Variants in ITGA9 observed in about 807,000 individuals in gnomAD.
ITGA9 encodes integrin subunit alpha 9.
Under a neutral mutation model 127.8 loss-of-function variants are expected in ITGA9, and 56 were observed. The observed-to-expected ratio is 0.44, with a 90% CI of 0.35 to 0.55. ITGA9 has a LOEUF of 0.55. ITGA9 is among the 20% of genes least tolerant of loss of function. The probability of loss-of-function intolerance (pLI) is 0.00; values close to 1 mark genes in which losing one functional copy is unlikely to be tolerated. For missense variants in ITGA9, 1,196 were observed against 1,347.1 expected (o/e 0.89, Z 1.76); for synonymous variants, 508 against 514.5 (o/e 0.99, Z 0.17).
At chr3:37,584,815 G>A (rs1035056975) in intron 15 of ITGA9, among the ~76,000 whole-genome samples, 57 of 152,014 alleles carry the variant, frequency 3.7e-4, no homozygotes, top group African/African-American at 1.4e-3. Flanking sequence ...GTAATTATTT[G>A]AAGACCATAA....
intron 18 of ITGA9, among the ~76,000 whole-genome samples, chr3:37,701,822 CCTCA>C (rs1700949532): frequency 6.6e-6 from 1 of 152,256 alleles, no homozygotes; most frequent in South Asian, 2.1e-4. Flanking sequence ...TCTTTCTGGT[CCTCA>C]CTAAGACAAA....
chr3:37,453,569 C>A (rs1432051032), intron 1 of ITGA9, among the ~76,000 whole-genome samples: 1 of 152,152 alleles, frequency 6.6e-6, no homozygotes, highest in Non-Finnish European at 1.5e-5. Context: ...GAAGTTCCCC[C>A]GTTCAAGGTC....
At chr3:37,478,593 C>T (rs569573413) in intron 3 of ITGA9, among the ~76,000 whole-genome samples, 171 of 152,312 alleles carry the variant, frequency 1.1e-3, no homozygotes, top group African/African-American at 3.9e-3. Context: ...CTCTCCTTCT[C>T]CTGTTCTTCC....
At chr3:37,818,729 G>A in intron 27 of ITGA9, 162 bp from the exon 28 acceptor site, 3 of 669,928 alleles carry the variant, frequency 4.5e-6, no homozygotes, top group East Asian at 2.7e-5. Context: ...GTCTCCACAG[G>A]ATGTTTTTCT....
At chr3:37,512,107 TCCTTCCTTC>T (rs1264015318) in intron 8 of ITGA9, among the ~76,000 whole-genome samples, 1 of 119,892 alleles carries the variant, frequency 8.3e-6, no homozygotes, top group Admixed American at 9.2e-5. Flanking sequence ...CTTCCTTCCT[TCCTTCCTTC>T]CTTCTTTCTT....
At chr3:37,741,915 A>G in intron 21 of ITGA9, 96 bp downstream of exon 21, 1 of 967,830 alleles carries the variant, frequency 1.0e-6, no homozygotes, top group Non-Finnish European at 1.6e-6. Flanking sequence ...CCAGGAGCCA[A>G]GGGCTGTGCC....
intron 24 of ITGA9, among the ~76,000 whole-genome samples, chr3:37,779,688 T>TG (rs1441432237): frequency 6.6e-6 from 1 of 152,218 alleles, no homozygotes; most frequent in Non-Finnish European, 1.5e-5. Flanking sequence ...TTCTCCCAGT[T>TG]GCTTGACTTA....
At chr3:37,470,656 G>A (rs779263488) in intron 1 of ITGA9, among the ~76,000 whole-genome samples, 12 of 152,050 alleles carry the variant, frequency 7.9e-5, no homozygotes, top group Non-Finnish European at 1.2e-4. Context: ...GACTAAAAGC[G>A]TGCGCTGCCT....
chr3:37,641,650 T>C (rs1167097123), intron 16 of ITGA9, among the ~76,000 whole-genome samples: 2 of 152,124 alleles, frequency 1.3e-5, no homozygotes, highest in Non-Finnish European at 2.9e-5. Flanking sequence ...CTCCTCCCGC[T>C]GAGGAGCTCC....
Position 37,471,000 on chromosome 3 carries a change from G to T in ITGA9, c.186-7G>T. On this transcript the variant is annotated splice_region_variant and splice_polypyrimidine_tract_variant and intron_variant, in intron 1 of 27. Coordinates refer to ENST00000264741, the MANE Select transcript of ITGA9 (RefSeq NM_002207.3). The stretch of plus-strand genomic sequence containing the variant: ...TTGTGACAGAATGCCTTTTTCTCTT[G>T]CTGCAGGGTCCTTGTGGGCGCACCA... The T allele has an allele frequency of 6.2e-7, 1 of 1,613,906 alleles. No individual in the cohort carries two copies. Among genetic ancestry groups the T allele is most frequent in the East Asian group, 2.2e-5 (1 of 44,876 alleles).
rs555565280 is a variant in ITGA9, at chr3:37,698,112, T to C, written c.2067+14097T>C. Among the ~76,000 whole-genome samples, 3 of 152,374 alleles carry C rather than the reference T, an allele frequency of 2.0e-5. No individual in the cohort carries two copies. The East Asian group carries it at 5.8e-4, about 29-fold the overall frequency. ...GATGATGAGCATTTTTTCATGTGTCTTTTGGCTGCATAAATGTCTTCTTTT... is the reference window on the plus strand; with the variant it reads ...GATGATGAGCATTTTTTCATGTGTCCTTTGGCTGCATAAATGTCTTCTTTT... On this transcript the variant is annotated intron_variant, in intron 18 of 27. Coordinates refer to ENST00000264741, the MANE Select transcript of ITGA9 (RefSeq NM_002207.3).
intron 18 of ITGA9, among the ~76,000 whole-genome samples, chr3:37,726,425 G>A (rs1481379125): frequency 1.3e-5 from 2 of 152,200 alleles, no homozygotes; most frequent in Non-Finnish European, 2.9e-5. Context: ...AAGATATTCT[G>A]TTCCCAAAGA....
intron 15 of ITGA9, among the ~76,000 whole-genome samples, chr3:37,624,978 C>A: frequency 6.6e-6 from 1 of 152,188 alleles, no homozygotes; most frequent in East Asian, 1.9e-4. Context: ...CTTTTAAGAT[C>A]ACATAACCTG....
Position 37,452,601 on chromosome 3 carries a change from A to G in ITGA9, c.185+42A>G. The stretch of plus-strand genomic sequence containing the variant: ...CTCCGCGACCCTGGCCCGCGCGGCC[A>G]CCGCCCCGGCCCCCAGGCCAGCGCC... On this transcript the variant is annotated intron_variant, in intron 1 of 27. Coordinates refer to ENST00000264741, the MANE Select transcript of ITGA9 (RefSeq NM_002207.3). This position sits in a 1 kb window ranked among gnomAD's most constrained non-coding sequence, Gnocchi z 7.3. 2.0e-6 allele frequency: 3 copies of G among 1,467,930 alleles called. No individual in the cohort carries two copies. The highest frequency in any genetic ancestry group is 2.5e-5 in the South Asian group (2 of 78,432). 90.9% of individuals were successfully genotyped at this position (1,467,930 alleles called of 1,614,324 possible).
chr3:37,790,393 G>T, intron 26 of ITGA9: 1 of 481,820 alleles, frequency 2.1e-6, no homozygotes, highest in Admixed American at 2.3e-5. Flanking sequence ...TTCCCATTCT[G>T]CTCGGTTCTC....
chr3:37,771,130 G>A (rs78181552), intron 23 of ITGA9, among the ~76,000 whole-genome samples: 111 of 152,252 alleles, frequency 7.3e-4, no homozygotes, highest in African/African-American at 2.6e-3. Context: ...TTTGGACTCC[G>A]GTAGCCTGGG....
At chr3:37,550,922 C>T (rs904432158) in intron 15 of ITGA9, among the ~76,000 whole-genome samples, 4 of 152,096 alleles carry the variant, frequency 2.6e-5, no homozygotes, top group Admixed American at 2.0e-4. Context: ...TTGTTTGTTC[C>T]ATGGGTATAT....
intron 15 of ITGA9, among the ~76,000 whole-genome samples, chr3:37,606,976 T>C (rs1699974982): frequency 6.7e-6 from 1 of 149,798 alleles, no homozygotes; most frequent in Admixed American, 6.6e-5. Flanking sequence ...GCTCCTTTTT[T>C]TTTTTTTTTT....
intron 8 of ITGA9, among the ~76,000 whole-genome samples, chr3:37,512,112 CCTTCCTTCTTTCT>C (rs1698927336): frequency 1.2e-5 from 1 of 84,518 alleles, no homozygotes; most frequent in Non-Finnish European, 2.3e-5. Context: ...TTCCTTCCTT[CCTTCCTTCTTTCT>C]TTTCTTTTCT....
Sources: allele counts gnomAD v4.1 joint callset (sites outside exome capture counted in the v4.1 genomes callset), GRCh38; gene constraint gnomAD v4.1.1; non-coding constraint Gnocchi (gnomAD v3.1); transcripts MANE v1.5; gene names NCBI Gene and HGNC (gene_info 2026-07-23, HGNC 2026-07-21).